The following GABBR2 variants were observed in gnomAD, a reference collection of about 807,000 sequenced individuals.
The protein encoded by GABBR2 is gamma-aminobutyric acid type B receptor subunit 2.
Under a neutral mutation model 105.6 loss-of-function variants are expected in GABBR2, and 23 were observed. The observed-to-expected ratio is 0.22, with a 90% confidence interval of 0.16 to 0.31. GABBR2 has a LOEUF of 0.31. Ranked by LOEUF, GABBR2 falls within the 10% of genes least tolerant of loss-of-function variation. The pLI is 1.00. For missense variants in GABBR2, 734 were observed against 1,245.5 expected, an observed-to-expected ratio of 0.59 and a Z score of 6.18; for synonymous variants, 478 against 499.7, an observed-to-expected ratio of 0.96 and a Z score of 0.58.
At chr9:98,360,769 A>G (rs1392130640) in intron 13 of GABBR2, among the ~76,000 whole-genome samples, 42 of 152,224 alleles carry the variant, frequency 2.8e-4, no homozygotes, top group Admixed American at 2.7e-3. Flanking sequence ...GTCCAGTAGG[A>G]CAGGCATCCC....
intron 7 of GABBR2, among the ~76,000 whole-genome samples, chr9:98,439,482 T>C (rs1415610693): frequency 6.6e-6 from 1 of 152,216 alleles, no homozygotes; most frequent in Non-Finnish European, 1.5e-5. Flanking sequence ...AACATAAATG[T>C]TAAATGAAGG....
At chr9:98,701,581 GCTC>G (rs1302164705) in intron 1 of GABBR2, among the ~76,000 whole-genome samples, 1 of 152,138 alleles carries the variant, frequency 6.6e-6, no homozygotes, top group East Asian at 1.9e-4. Flanking sequence ...CTCCAGTTCA[GCTC>G]CTCACCATTT....
At position 98,577,915 on chromosome 9, in the gene GABBR2, G is replaced by C. The variant is rs779878069; in HGVS notation, c.459+20C>G. On this transcript the variant is annotated intron_variant, in intron 2 of 18. Transcript: ENST00000259455. ...CAACCAAAGACACCTCCCCACAAAA[G>C]AAGGTAGCTCAGACCTTACCTGCAC... 8 of 1,584,870 alleles carry C rather than the reference G, an allele frequency of 5.0e-6. No individual in the cohort carries two copies. In the South Asian group the frequency reaches 6.9e-5, roughly 14 times the overall value.
intron 1 of GABBR2, among the ~76,000 whole-genome samples, chr9:98,586,311 GT>G (rs899759318): frequency 7.8e-5 from 7 of 90,208 alleles, no homozygotes; most frequent in South Asian, 3.9e-4. Flanking sequence ...TTGTTTGTTT[GT>G]TTTTTTAGAC....
chr9:98,324,927 T>C (rs924192375), intron 13 of GABBR2, among the ~76,000 whole-genome samples: 1 of 152,004 alleles, frequency 6.6e-6, no homozygotes, highest in African/African-American at 2.4e-5. Context: ...CTATAAACTT[T>C]GTACACACAC....
chr9:98,556,875 T>C (rs1332252921), intron 2 of GABBR2, among the ~76,000 whole-genome samples: 1 of 151,876 alleles, frequency 6.6e-6, no homozygotes, highest in African/African-American at 2.4e-5. Context: ...CAAAACCCCA[T>C]CTCTATGGAA....
chr9:98,318,161 G>A (rs1830751805), intron 13 of GABBR2, among the ~76,000 whole-genome samples: 1 of 152,218 alleles, frequency 6.6e-6, no homozygotes, highest in Admixed American at 6.5e-5. Flanking sequence ...ACTCGATAAT[G>A]TGAGCACAAA....
chr9:98,586,784 A>C (rs1829083597), intron 1 of GABBR2, among the ~76,000 whole-genome samples: 1 of 152,108 alleles, frequency 6.6e-6, no homozygotes, highest in African/African-American at 2.4e-5. Flanking sequence ...TGGTTCATTC[A>C]TTTTCATAGC....
At chr9:98,475,935 A>G (rs540188492) in intron 5 of GABBR2, among the ~76,000 whole-genome samples, 1 of 152,298 alleles carries the variant, frequency 6.6e-6, no homozygotes, top group African/African-American at 2.4e-5. Context: ...ATGGTGGCAC[A>G]TGCCTGTAAT....
chr9:98,530,344 G>C (rs1450447343), intron 3 of GABBR2, among the ~76,000 whole-genome samples: 1 of 152,192 alleles, frequency 6.6e-6, no homozygotes, highest in Non-Finnish European at 1.5e-5. Context: ...ACAGGGACTT[G>C]GGGGGATATT....
intron 7 of GABBR2, among the ~76,000 whole-genome samples, chr9:98,424,181 A>C (rs1340893371): frequency 2.0e-5 from 3 of 152,176 alleles, no homozygotes; most frequent in Non-Finnish European, 4.4e-5. Flanking sequence ...TCAATATACG[A>C]AAATCAATAA....
chr9:98,373,897 C>A (rs111640244), intron 11 of GABBR2, among the ~76,000 whole-genome samples: 2,841 of 138,526 alleles, frequency 0.021, 105 homozygotes, highest in African/African-American at 0.074. Context: ...TTGCTCTGTC[C>A]CTCAGGCTGG....
intron 6 of GABBR2, among the ~76,000 whole-genome samples, chr9:98,472,386 C>T (rs1174250048): frequency 6.6e-6 from 1 of 152,214 alleles, no homozygotes; most frequent in African/African-American, 2.4e-5. Context: ...GAATTAGTAA[C>T]ACTCCTCATG....
In GABBR2 at chr9:98,290,400, G is replaced by A. The variant is rs1194695903; in HGVS notation, c.*184C>T. On this transcript the variant is annotated 3_prime_UTR_variant, in exon 19 of 19. Transcript: ENST00000259455. ...AATAAGGACTTCACAAATAAGGCTC[G>A]AGGTCAGGTGCCAAGTCTCCCCCTG... 6 of 369,266 alleles carry A rather than the reference G, an allele frequency of 1.6e-5. No individual in the cohort carries two copies. Among genetic ancestry groups the A allele is most frequent in the Admixed American group, 4.8e-5 (1 of 21,052 alleles). The allele number at this position is 369,266 out of a possible 1,614,324, so 22.9% of individuals were successfully genotyped here.
At chr9:98,628,886 A>AC (rs1222387863) in intron 1 of GABBR2, among the ~76,000 whole-genome samples, 1 of 151,898 alleles carries the variant, frequency 6.6e-6, no homozygotes, top group Non-Finnish European at 1.5e-5. Flanking sequence ...GCGTGCACCT[A>AC]CCCCTACAGG....
At chr9:98,510,870 C>G (rs1446830627) in intron 3 of GABBR2, among the ~76,000 whole-genome samples, 1 of 151,278 alleles carries the variant, frequency 6.6e-6, no homozygotes, top group Non-Finnish European at 1.5e-5. Flanking sequence ...AACGAGGATA[C>G]CCAGGACTTG....
At chr9:98,304,993 G>C (rs1488360473) in intron 15 of GABBR2, among the ~76,000 whole-genome samples, 1 of 110,390 alleles carries the variant, frequency 9.1e-6, no homozygotes, top group Non-Finnish European at 1.9e-5. Context: ...GGCTGGTCTT[G>C]AACTCCTAGC....
chr9:98,608,599 A>G (rs1354570699), intron 1 of GABBR2, among the ~76,000 whole-genome samples: 2 of 152,228 alleles, frequency 1.3e-5, no homozygotes, highest in Non-Finnish European at 1.5e-5. Flanking sequence ...AATTTAGTCT[A>G]ACACAGTTGA....
Position 98,541,888 on chromosome 9 carries a change from A to C in GABBR2, c.615T>G (p.Val205=), listed in dbSNP as rs1295770331. The change falls in exon 3 of 19, where the codon GTT becomes GTG. Residue 205 remains valine, a synonymous_variant. Coordinates refer to ENST00000259455, the MANE Select transcript of GABBR2 (RefSeq NM_005458.8). The stretch of plus-strand genomic sequence containing the variant: ...CCGAGCGTACCTCAGAGAACCTCTG[A>C]ACGTCTTGCGTCAGCGTGCCCACGC... ...WKRVGTLTQD[V]QRFSEVRNDL... 2 of 1,614,058 alleles carry C rather than the reference A, an allele frequency of 1.2e-6. No homozygotes were observed. Among genetic ancestry groups the C allele is most frequent in the Admixed American group, 3.3e-5 (2 of 60,012 alleles).
Sources: gnomAD v4.1 joint callset for allele counts (sites outside exome capture counted in the v4.1 genomes callset) on GRCh38, gnomAD v4.1.1 for gene constraint, MANE v1.5 for transcripts, NCBI Gene and HGNC (gene_info 2026-07-23, HGNC 2026-07-21) for gene names.